KCNAB1: variants seen among roughly 807,000 people sequenced by gnomAD.
KCNAB1 encodes the protein voltage-gated potassium channel subunit beta-1.
In KCNAB1, 35 loss-of-function variants were observed where a neutral mutation model predicts 64.6. That is an observed-to-expected ratio of 0.54 (90% CI 0.41 to 0.72). The LOEUF (loss-of-function observed/expected upper bound fraction) is 0.72, where lower values mean the gene tolerates loss of function less well. KCNAB1 is among the 30% of genes least tolerant of loss of function. The pLI, the probability that KCNAB1 is intolerant of heterozygous loss-of-function variation, is 0.00. For synonymous variants in KCNAB1, 177 were observed against 183.8 expected, an observed-to-expected ratio of 0.96 and a Z score of 0.30; for missense variants, 401 against 512.9, an observed-to-expected ratio of 0.78 and a Z score of 2.11.
Position 156,538,509 on chromosome 3 carries a change from G to A in KCNAB1, c.*1762G>A, listed in dbSNP as rs1284650738. On this transcript the variant is annotated 3_prime_UTR_variant, in exon 14 of 14. Transcript: ENST00000490337. ...TGTGTATTCAATCCAGCGAACTGCTGTATGTATAGAGGAGCTGAGGTGCTG... is the reference window on the plus strand; with the variant it reads ...TGTGTATTCAATCCAGCGAACTGCTATATGTATAGAGGAGCTGAGGTGCTG... 5 of 152,226 alleles carry A rather than the reference G, an allele frequency of 3.3e-5. No individual in the cohort carries two copies. Among genetic ancestry groups the A allele is most frequent in the African/African-American group, 1.2e-4 (5 of 41,468 alleles). The allele number at this position is 152,226 out of a possible 1,614,324, so 9.4% of individuals were successfully genotyped here.
At chr3:156,424,039 T>C (rs909068571) in intron 2 of KCNAB1, among the ~76,000 whole-genome samples, 3 of 152,070 alleles carry the variant, frequency 2.0e-5, no homozygotes, top group Non-Finnish European at 4.4e-5. Context: ...GTGTGTCCAT[T>C]GGGAGAGAAT....
At chr3:156,360,584 T>C (rs573041488) in intron 1 of KCNAB1, among the ~76,000 whole-genome samples, 1 of 152,128 alleles carries the variant, frequency 6.6e-6, no homozygotes, top group South Asian at 2.1e-4. Flanking sequence ...CATGGTAACA[T>C]TTGCCTGTAG....
chr3:156,230,100 T>C (rs1198034229), intron 1 of KCNAB1, among the ~76,000 whole-genome samples: 1 of 152,238 alleles, frequency 6.6e-6, no homozygotes. Flanking sequence ...CTTAGAATTG[T>C]TATCATCCAG....
chr3:156,244,687 A>G (rs973475558), intron 1 of KCNAB1, among the ~76,000 whole-genome samples: 1 of 152,132 alleles, frequency 6.6e-6, no homozygotes, highest in African/African-American at 2.4e-5. Context: ...ACCCTGATAG[A>G]TACACCCCCA....
intron 1 of KCNAB1, among the ~76,000 whole-genome samples, chr3:156,319,670 T>C: frequency 6.6e-6 from 1 of 152,182 alleles, no homozygotes; most frequent in East Asian, 1.9e-4. Flanking sequence ...AATGCATTCT[T>C]AGTTTTAGAT....
chr3:156,225,323 T>G (rs1380054335), intron 1 of KCNAB1, among the ~76,000 whole-genome samples: 3 of 152,176 alleles, frequency 2.0e-5, no homozygotes, highest in Non-Finnish European at 4.4e-5. Flanking sequence ...AAAAATCACA[T>G]GACCTTCTCA....
At chr3:156,506,889 A>G (rs1312085358) in intron 8 of KCNAB1, among the ~76,000 whole-genome samples, 1 of 152,220 alleles carries the variant, frequency 6.6e-6, no homozygotes, top group African/African-American at 2.4e-5. Flanking sequence ...CTTCGAAAAA[A>G]AACAAAAAGA....
In KCNAB1 at chr3:156,291,651, C is replaced by G. The variant is rs376778469; in HGVS notation, c.276-129965C>G. On this transcript the variant is annotated intron_variant, in intron 1 of 13. Transcript: ENST00000490337. ...AAGATTTGCAAACCTGATTCTCCCT[C>G]CAGCTGCTGTGACAACTTCGGGGCC... The G allele has an allele frequency of 4.7e-5, 65 of 1,371,768 alleles. No individual in the cohort carries two copies. In the African/African-American group the frequency reaches 6.5e-4, roughly 14 times the overall value. The allele number at this position is 1,371,768 out of a possible 1,614,324, so 85.0% of individuals were successfully genotyped here.
At chr3:156,514,334 A>T (rs767334404) in intron 8 of KCNAB1, 30 bp from the exon 9 acceptor site, 6 of 1,568,316 alleles carry the variant, frequency 3.8e-6, no homozygotes, top group South Asian at 1.1e-5. Flanking sequence ...AGACAAATTC[A>T]TGAAATGCTG....
chr3:156,354,805 G>A (rs762602876), intron 1 of KCNAB1, among the ~76,000 whole-genome samples: 10 of 151,348 alleles, frequency 6.6e-5, no homozygotes, highest in Non-Finnish European at 1.2e-4. Flanking sequence ...TCCCTATTTC[G>A]TTCCAGAAAA....
intron 1 of KCNAB1, among the ~76,000 whole-genome samples, chr3:156,258,178 G>T (rs1718212616): frequency 6.6e-6 from 1 of 152,164 alleles, no homozygotes; most frequent in Admixed American, 6.5e-5. Flanking sequence ...TTGGGAAATG[G>T]AACACTCTCA....
chr3:156,143,419 A>G (rs776909952), intron 1 of KCNAB1: 6 of 1,565,222 alleles, frequency 3.8e-6, no homozygotes, highest in Non-Finnish European at 5.2e-6. Flanking sequence ...CATGGCATAC[A>G]GGTACTGCTG....
chr3:156,535,339 A>T (rs906038078), intron 13 of KCNAB1, among the ~76,000 whole-genome samples: 1 of 152,196 alleles, frequency 6.6e-6, no homozygotes. Flanking sequence ...CAGTCTCCAC[A>T]CAGGGTCAGA....
intron 1 of KCNAB1, among the ~76,000 whole-genome samples, chr3:156,392,647 G>A (rs1014347784): frequency 1.3e-5 from 2 of 152,116 alleles, no homozygotes; most frequent in African/African-American, 4.8e-5. Context: ...TATCAGATTA[G>A]GGAAAATCCC....
intron 2 of KCNAB1, among the ~76,000 whole-genome samples, chr3:156,439,818 G>C (rs1017947421): frequency 2.0e-5 from 3 of 152,200 alleles, no homozygotes; most frequent in Non-Finnish European, 4.4e-5. Flanking sequence ...GATGGCAAAT[G>C]CAAGCTTTAT....
At chr3:156,224,989 A>T (rs1231566624) in intron 1 of KCNAB1, among the ~76,000 whole-genome samples, 1 of 152,226 alleles carries the variant, frequency 6.6e-6, no homozygotes, top group African/African-American at 2.4e-5. Context: ...TGTATCAGAC[A>T]TTCAAAGAAG....
intron 1 of KCNAB1, among the ~76,000 whole-genome samples, chr3:156,184,949 A>G (rs760065832): frequency 6.6e-6 from 1 of 152,210 alleles, no homozygotes; most frequent in Non-Finnish European, 1.5e-5. Flanking sequence ...ACTAAGTGGC[A>G]GGAATTCTCA....
At chr3:156,538,911 T>A (rs1347585965), downstream of KCNAB1, 2 of 152,264 alleles carry the variant, frequency 1.3e-5, no homozygotes, top group Non-Finnish European at 2.9e-5. Context: ...AATTCACTTT[T>A]AAAAACTTAC....
intron 1 of KCNAB1, among the ~76,000 whole-genome samples, chr3:156,342,592 T>C (rs1353248128): frequency 1.5e-5 from 2 of 134,012 alleles, no homozygotes; most frequent in East Asian, 2.0e-4. Context: ...TTTCTTTTTT[T>C]TTTTTTTTTT....
Sources: allele counts gnomAD v4.1 joint callset (sites outside exome capture counted in the v4.1 genomes callset), GRCh38; gene constraint gnomAD v4.1.1; transcripts MANE v1.5; gene names NCBI Gene and HGNC (gene_info 2026-07-23, HGNC 2026-07-21).